PRKCQ: variants seen among roughly 807,000 people sequenced by gnomAD.
PRKCQ encodes the protein protein kinase C theta, also known as protein kinase C theta type.
A neutral mutation model predicts 91.2 loss-of-function variants in PRKCQ; 41 were observed. That is an observed-to-expected ratio of 0.45 (90% confidence interval 0.35 to 0.58). The LOEUF (loss-of-function observed/expected upper bound fraction) is 0.58. Among genes scored for constraint, PRKCQ ranks in the 20% least tolerant of loss-of-function variants. The pLI is 0.00. For missense variants in PRKCQ, 673 were observed against 896.5 expected, an observed-to-expected ratio of 0.75 and a Z score of 3.18; for synonymous variants, 307 against 316.9, an observed-to-expected ratio of 0.97 and a Z score of 0.33.
At chr10:6,548,396 G>A (rs1840049780) in intron 1 of PRKCQ, among the ~76,000 whole-genome samples, 1 of 151,412 alleles carries the variant, frequency 6.6e-6, no homozygotes, top group South Asian at 2.1e-4. Flanking sequence ...TATACCCAAA[G>A]GACTATAAAT....
At chr10:6,490,760 A>G (rs1023055920) in intron 8 of PRKCQ, among the ~76,000 whole-genome samples, 3 of 152,036 alleles carry the variant, frequency 2.0e-5, no homozygotes, top group Non-Finnish European at 4.4e-5. Flanking sequence ...TCAGAAAAAA[A>G]GTAAAAGAAG....
At chr10:6,559,790 C>A (rs1166149488) in intron 1 of PRKCQ, among the ~76,000 whole-genome samples, 3 of 150,872 alleles carry the variant, frequency 2.0e-5, no homozygotes, top group Non-Finnish European at 4.4e-5. Context: ...CTCTTTACCT[C>A]TTCACCGTCT....
intron 1 of PRKCQ, among the ~76,000 whole-genome samples, chr10:6,566,540 T>G (rs1887326): frequency 0.059 from 8,974 of 152,188 alleles, 441 homozygotes; most frequent in Admixed American, 0.12. Context: ...CACTGTTGGG[T>G]GGGTCTGGAA....
rs116309056 is a variant in PRKCQ at position 6,522,294 on chromosome 10, T to G, written c.-9-7150A>C. 9.4e-3 allele frequency among the ~76,000 whole-genome samples: 1,438 copies of G among 152,334 alleles called. 18 individuals are homozygous for G. The highest frequency in any genetic ancestry group is 0.033 in the African/African-American group (1,362 of 41,566). On this transcript the variant is annotated intron_variant, in intron 1 of 17. Transcript: ENST00000263125. ...CTTTACTCTTAGAGGCTCACTATTTTCAGCTTTAAGTGTGATCTCATTTGT... is the reference window on the plus strand; with the variant it reads ...CTTTACTCTTAGAGGCTCACTATTTGCAGCTTTAAGTGTGATCTCATTTGT...
chr10:6,454,733 C>G (rs964034616), intron 15 of PRKCQ, among the ~76,000 whole-genome samples: 1 of 152,056 alleles, frequency 6.6e-6, no homozygotes, highest in African/African-American at 2.4e-5. Context: ...GACGTAGTGT[C>G]TGCAGCAGGA....
At chr10:6,578,912 G>T (rs1564404356) in intron 1 of PRKCQ, among the ~76,000 whole-genome samples, 1 of 152,166 alleles carries the variant, frequency 6.6e-6, no homozygotes, top group Non-Finnish European at 1.5e-5. Flanking sequence ...GTGGGGTGGG[G>T]GACCCAGGAC....
chr10:6,530,583 T>C (rs551954933), intron 1 of PRKCQ, among the ~76,000 whole-genome samples: 7 of 152,028 alleles, frequency 4.6e-5, no homozygotes, highest in Non-Finnish European at 8.8e-5. Flanking sequence ...CAGGGTGGAC[T>C]AGGGAAGGGC....
chr10:6,516,727 G>C (rs1838775211), intron 1 of PRKCQ, among the ~76,000 whole-genome samples: 1 of 152,140 alleles, frequency 6.6e-6, no homozygotes, highest in Non-Finnish European at 1.5e-5. Flanking sequence ...CAAAGCCAGA[G>C]TTAAAGCACC....
intron 15 of PRKCQ, among the ~76,000 whole-genome samples, chr10:6,445,486 C>T (rs1834232011): frequency 6.6e-6 from 1 of 152,196 alleles, no homozygotes; most frequent in South Asian, 2.1e-4. Context: ...AAACGGGAAT[C>T]ATATCTGGCC....
At chr10:6,514,935 G>A (rs1279023568) in intron 2 of PRKCQ, 83 bp downstream of exon 2, 1 of 1,592,816 alleles carries the variant, frequency 6.3e-7, no homozygotes, top group Admixed American at 1.7e-5. Context: ...GATGTCAAAT[G>A]TCCTGGAAGA....
intron 1 of PRKCQ, among the ~76,000 whole-genome samples, chr10:6,535,655 G>A (rs1178532860): frequency 2.0e-5 from 3 of 152,048 alleles, no homozygotes; most frequent in Admixed American, 6.5e-5. Flanking sequence ...CCAGCCATGC[G>A]CCAAGGCCAC....
chr10:6,521,628 A>G (rs1839005575), intron 1 of PRKCQ, among the ~76,000 whole-genome samples: 1 of 152,240 alleles, frequency 6.6e-6, no homozygotes, highest in African/African-American at 2.4e-5. Flanking sequence ...GGCCTTCTCA[A>G]CTTCATTGGT....
At chr10:6,440,580 C>A (rs1050307414) in intron 16 of PRKCQ, among the ~76,000 whole-genome samples, 5 of 152,178 alleles carry the variant, frequency 3.3e-5, no homozygotes, top group African/African-American at 1.2e-4. Flanking sequence ...TGGAAGAGAA[C>A]AAGAACACAG....
chr10:6,457,290 C>A (rs1415938900), intron 14 of PRKCQ, among the ~76,000 whole-genome samples: 4 of 152,202 alleles, frequency 2.6e-5, no homozygotes, highest in Non-Finnish European at 5.9e-5. Flanking sequence ...ACTTCTGTTT[C>A]CTTGGAGAAC....
rs72638713 is a variant in PRKCQ at position 6,430,107 on chromosome 10, G to A, written c.1965+703C>T. On this transcript the variant is annotated intron_variant, in intron 17 of 17. Coordinates refer to ENST00000263125, the MANE Select transcript of PRKCQ (RefSeq NM_006257.5). The surrounding 1 kb of genome is among the most constrained non-coding windows in gnomAD (Gnocchi z 4.7). ...TGACCTCAGGTGATCCACCCGCCTC[G>A]GCTTTCCAAAGTGCTGGGATTACAG... Among the ~76,000 whole-genome samples, 977 of 152,240 alleles carry A rather than the reference G, an allele frequency of 6.4e-3. 66 individuals are homozygous for A. In the East Asian group the frequency reaches 0.14, roughly 22 times the overall value.
chr10:6,484,811 G>C (rs191041781), intron 10 of PRKCQ, among the ~76,000 whole-genome samples: 1 of 152,314 alleles, frequency 6.6e-6, no homozygotes, highest in East Asian at 1.9e-4. Context: ...AAGGTGCAGA[G>C]TAAGAATGTC....
the PRKCQ span, among the ~76,000 whole-genome samples, chr10:6,398,006 T>C: frequency 1.3e-5 from 2 of 152,228 alleles, no homozygotes; most frequent in Non-Finnish European, 2.9e-5. Flanking sequence ...ATCTCATAAG[T>C]GTTACTTCTT....
At chr10:6,491,071 T>C (rs1354791169) in intron 8 of PRKCQ, among the ~76,000 whole-genome samples, 1 of 152,212 alleles carries the variant, frequency 6.6e-6, no homozygotes, top group Non-Finnish European at 1.5e-5. Flanking sequence ...GCTGCGATCC[T>C]GGCCTTGGAG....
chr10:6,549,431 A>G (rs1265662531), intron 1 of PRKCQ, among the ~76,000 whole-genome samples: 3 of 152,186 alleles, frequency 2.0e-5, no homozygotes, highest in Non-Finnish European at 2.9e-5. Context: ...ATTCAGAAAC[A>G]GTCGACTTAT....
Sources: gnomAD v4.1 joint callset for allele counts (sites outside exome capture counted in the v4.1 genomes callset) on GRCh38, gnomAD v4.1.1 for gene constraint, Gnocchi (gnomAD v3.1) non-coding constraint, MANE v1.5 for transcripts, NCBI Gene and HGNC (gene_info 2026-07-23, HGNC 2026-07-21) for gene names.